Variants in CHST11 observed in about 807,000 individuals in gnomAD.
The protein encoded by CHST11 is C4S-1.
A neutral mutation model predicts 30.4 loss-of-function variants in CHST11; 9 were observed. That is an observed-to-expected ratio of 0.30 (90% CI 0.18 to 0.52). The LOEUF (loss-of-function observed/expected upper bound fraction) is 0.52. Among genes scored for constraint, CHST11 ranks in the 20% least tolerant of loss-of-function variants. The pLI, the probability that CHST11 is intolerant of heterozygous loss-of-function variation, is 0.97. For missense variants in CHST11, 348 were observed against 460.6 expected, an observed-to-expected ratio of 0.76 and a Z score of 2.24; for synonymous variants, 152 against 187.8, an observed-to-expected ratio of 0.81 and a Z score of 1.56.
chr12:104,526,004 C>T (rs1321989191), intron 1 of CHST11, among the ~76,000 whole-genome samples: 2 of 152,084 alleles, frequency 1.3e-5, no homozygotes, highest in African/African-American at 2.4e-5. Flanking sequence ...AATTTTAACA[C>T]GAATTAGATT....
At chr12:104,746,298 A>G (rs188776883) in intron 2 of CHST11, among the ~76,000 whole-genome samples, 87 of 152,338 alleles carry the variant, frequency 5.7e-4, no homozygotes, top group African/African-American at 2.0e-3. Context: ...GTCACCCAAT[A>G]TAAACCCTGC....
chr12:104,751,031 C>T (rs966828666), intron 2 of CHST11, among the ~76,000 whole-genome samples: 18 of 152,094 alleles, frequency 1.2e-4, no homozygotes, highest in African/African-American at 4.3e-4. Flanking sequence ...CCTTAAACTG[C>T]TGTGGAGAAG....
At chr12:104,493,267 C>A (rs982024094) in intron 1 of CHST11, among the ~76,000 whole-genome samples, 1 of 152,164 alleles carries the variant, frequency 6.6e-6, no homozygotes, top group Admixed American at 6.5e-5. Context: ...CTAGTGTTTA[C>A]CTTGGAGCTG....
intron 1 of CHST11, among the ~76,000 whole-genome samples, chr12:104,526,207 C>G (rs929345598): frequency 1.9e-4 from 25 of 131,430 alleles, no homozygotes; most frequent in Admixed American, 1.3e-3. Flanking sequence ...ACAAATGGAT[C>G]ATTTTCTTAA....
At chr12:104,622,154 T>A (rs2039166002) in intron 2 of CHST11, among the ~76,000 whole-genome samples, 1 of 152,242 alleles carries the variant, frequency 6.6e-6, no homozygotes, top group African/African-American at 2.4e-5. Flanking sequence ...AAGAACTCTT[T>A]GACAACCACA....
At chr12:104,577,770 G>A (rs1042523966) in intron 1 of CHST11, among the ~76,000 whole-genome samples, 1 of 152,188 alleles carries the variant, frequency 6.6e-6, no homozygotes, top group African/African-American at 2.4e-5. Context: ...TGGGGCTCCA[G>A]TTTCAAATGC....
At position 104,757,371 on chromosome 12, in the gene CHST11, C is replaced by G; in HGVS notation, c.627C>G (p.His209Gln). ...CCCAGAAGTACAACATCTCCTTCCA[C>G]AAGCGGTACGGCACCAAGATCATCA... is the stretch of plus-strand genomic sequence containing the variant. ...KFTQKYNISFHKRYGTKIIKR... is the reference protein window; with the variant it reads ...KFTQKYNISFQKRYGTKIIKR... The change falls in exon 3 of 3, where the codon CAC becomes CAG. Residue 209 changes from histidine to glutamine, a missense_variant. By Grantham distance (24) the His-to-Gln change is conservative. Transcript: ENST00000303694. This position sits in a 1 kb window ranked among gnomAD's most constrained non-coding sequence, Gnocchi z 6.5. The G allele has an allele frequency of 6.2e-7, 1 of 1,614,200 alleles. No individual in the cohort carries two copies. The highest frequency in any genetic ancestry group is 8.5e-7 in the Non-Finnish European group (1 of 1,180,044).
chr12:104,609,298 A>C (rs1287952320), intron 2 of CHST11, among the ~76,000 whole-genome samples: 1 of 152,260 alleles, frequency 6.6e-6, no homozygotes, highest in African/African-American at 2.4e-5. Flanking sequence ...GATAATGCTT[A>C]CTGCCAGCCT....
At chr12:104,631,729 T>A (rs117643635) in intron 2 of CHST11, among the ~76,000 whole-genome samples, 11 of 152,306 alleles carry the variant, frequency 7.2e-5, no homozygotes, top group Non-Finnish European at 1.5e-4. Context: ...CAGTGCTGAA[T>A]GAAAATGCAA....
chr12:104,677,706 G>A (rs548786350), intron 2 of CHST11, among the ~76,000 whole-genome samples: 4 of 152,256 alleles, frequency 2.6e-5, no homozygotes, highest in South Asian at 4.1e-4. Flanking sequence ...CAAATGTGGC[G>A]CATAGCTGCG....
At chr12:104,471,963 A>T (rs368993725) in intron 1 of CHST11, among the ~76,000 whole-genome samples, 47 of 150,148 alleles carry the variant, frequency 3.1e-4, no homozygotes, top group Admixed American at 5.3e-4. Context: ...ACCCTAATTT[A>T]AAAAAAAAAT....
chr12:104,565,258 ATTTTTTTTTTTT>A (rs66825272), intron 1 of CHST11, among the ~76,000 whole-genome samples: 6 of 72,916 alleles, frequency 8.2e-5, no homozygotes, highest in African/African-American at 3.5e-4. Flanking sequence ...GTTTTCTAGG[ATTTTTTTTTTTT>A]TTTTTTTTTT....
intron 2 of CHST11, among the ~76,000 whole-genome samples, chr12:104,635,440 CG>C (rs2039313675): frequency 6.6e-6 from 1 of 152,152 alleles, no homozygotes; most frequent in South Asian, 2.1e-4. Context: ...ATGTAATTGC[CG>C]GTTGTCTTAC....
At position 104,589,120 on chromosome 12, in the gene CHST11, CTGG is replaced by C. The variant is rs151066953; in HGVS notation, c.119-12785_119-12783del. 7.7e-3 allele frequency among the ~76,000 whole-genome samples: 1,174 copies of C among 152,096 alleles called. 17 individuals carry two copies. Among genetic ancestry groups the C allele is most frequent in the African/African-American group, 0.028 (1,148 of 41,472 alleles). On this transcript the variant is annotated intron_variant, in intron 1 of 2. Coordinates refer to ENST00000303694, the MANE Select transcript of CHST11 (RefSeq NM_018413.6). The stretch of plus-strand genomic sequence containing the variant: ...AAGTACTTAGAATATTCTAATTCAG[CTGG>C]GTTTGGTGGCTCACATCTGTAATTC...
chr12:104,492,593 C>T (rs2037757456), intron 1 of CHST11, among the ~76,000 whole-genome samples: 1 of 152,094 alleles, frequency 6.6e-6, no homozygotes, highest in African/African-American at 2.4e-5. Context: ...CCTTTTAATG[C>T]CCTTTGGAAG....
In CHST11 at chr12:104,700,754, G is replaced by A. The variant is rs1312247192; in HGVS notation, c.205-56195G>A. ...GATATCACCCAGTATCCCAGAGAAG[G>A]GAAGCTTTTTGGGAGAATGGCATAA... On this transcript the variant is annotated intron_variant, in intron 2 of 2. Coordinates refer to ENST00000303694, the MANE Select transcript of CHST11 (RefSeq NM_018413.6). Among the ~76,000 whole-genome samples the A allele has an allele frequency of 2.0e-5, 3 of 152,096 alleles. No homozygotes were observed. In the East Asian group the frequency reaches 5.8e-4, roughly 29 times the overall value.
At chr12:104,643,676 T>G (rs1417292847) in intron 2 of CHST11, among the ~76,000 whole-genome samples, 1 of 152,194 alleles carries the variant, frequency 6.6e-6, no homozygotes, top group African/African-American at 2.4e-5. Context: ...CATGACTTTT[T>G]TTTGTTGTTG....
chr12:104,501,275 C>T (rs986841349), intron 1 of CHST11, among the ~76,000 whole-genome samples: 4 of 152,136 alleles, frequency 2.6e-5, no homozygotes, highest in African/African-American at 9.7e-5. Context: ...AACCTGCTGC[C>T]TGGGAGTTCC....
At chr12:104,629,101 G>A (rs906430746) in intron 2 of CHST11, among the ~76,000 whole-genome samples, 12 of 152,290 alleles carry the variant, frequency 7.9e-5, no homozygotes, top group African/African-American at 2.9e-4. Flanking sequence ...ATTGCACAGG[G>A]GTTAAGAGCA....
Sources: allele counts gnomAD v4.1 joint callset (sites outside exome capture counted in the v4.1 genomes callset), GRCh38; gene constraint gnomAD v4.1.1; non-coding constraint Gnocchi (gnomAD v3.1); transcripts MANE v1.5; gene names NCBI Gene and HGNC (gene_info 2026-07-23, HGNC 2026-07-21).